Variants in CEMIP2 observed in about 807,000 individuals in gnomAD.
CEMIP2 encodes the protein cell surface hyaluronidase CEMIP2.
In CEMIP2, 79 loss-of-function variants were observed where a neutral mutation model predicts 146.9. That is an observed-to-expected ratio of 0.54 (90% CI 0.45 to 0.65). The LOEUF is 0.65. Ranked by LOEUF, CEMIP2 falls within the 30% of genes least tolerant of loss-of-function variation. CEMIP2 has a pLI of 0.00. For synonymous variants in CEMIP2, 601 were observed against 606.3 expected, an observed-to-expected ratio of 0.99 and a Z score of 0.13; for missense variants, 1,596 against 1,696.2, an observed-to-expected ratio of 0.94 and a Z score of 1.04.
Position 71,745,345 on chromosome 9 carries a change from C to A in CEMIP2, c.707G>T (p.Arg236Leu). ...TGCCAACAACGTCCACGATGCCTTC[C>A]GTGCCCCATGTAACTCCAGTGTCCC... ...AGGTLELHGA[R>L]KASWTLLART... The change falls in exon 4 of 24, where the codon CGG (arginine) becomes CTG (leucine). Residue 236 changes from arginine to leucine, a missense_variant. Physicochemically the swap from Arg to Leu is moderately radical, Grantham distance 102. Coordinates refer to ENST00000377044, the MANE Select transcript of CEMIP2 (RefSeq NM_013390.3). The A allele has an allele frequency of 6.2e-7, 1 of 1,613,778 alleles. No homozygotes were observed. The highest frequency in any genetic ancestry group is 8.5e-7 in the Non-Finnish European group (1 of 1,179,686).
At chr9:71,697,753 C>A in intron 20 of CEMIP2, 1 of 481,108 alleles carries the variant, frequency 2.1e-6, no homozygotes, top group Non-Finnish European at 3.7e-6. Flanking sequence ...TGTGGAAAAT[C>A]TGCAGTTGTT....
In CEMIP2 at chr9:71,746,312, T is replaced by C. The variant is rs778200315; in HGVS notation, c.361A>G (p.Arg121Gly). The C allele has an allele frequency of 1.9e-6, 3 of 1,613,960 alleles. No individual in the cohort carries two copies. The highest frequency in any genetic ancestry group is 2.5e-6 in the Non-Finnish European group (3 of 1,179,884). ...GAATCTTGTCCTGGATCCCAATTCC[T>C]GAGACGAGGATTTTGATCTGGGCAA... ...ENCPDQNPRL[R>G]NWDPGQDSAK... is the part of the protein sequence containing the mutation. Residue 121 changes from arginine to glycine, a missense_variant, in exon 3 of 24, where the codon AGG (arginine) becomes GGG (glycine). By Grantham distance (125) the Arg-to-Gly change is moderately radical (BLOSUM62 -2). Coordinates refer to ENST00000377044, the MANE Select transcript of CEMIP2 (RefSeq NM_013390.3).
rs1639000790 is a variant in CEMIP2 at position 71,730,881 on chromosome 9, A to T, written c.1597T>A (p.Tyr533Asn). The change falls in exon 8 of 24, where the codon TAT becomes AAT. Residue 533 changes from tyrosine to asparagine, a missense_variant. Physicochemically the swap from Tyr to Asn is moderately radical, Grantham distance 143. Coordinates refer to ENST00000377044, the MANE Select transcript of CEMIP2 (RefSeq NM_013390.3). ...TGACCCATGTGTTTCAATTCCACATAAGAAAGATGGACTGAAGTAAAATTT... is the reference window on the plus strand; with the variant it reads ...TGACCCATGTGTTTCAATTCCACATTAGAAAGATGGACTGAAGTAAAATTT... ...MKNFTSVHLS[Y>N]VELKHMGQQQ... is the part of the protein sequence containing the mutation. 7 of 1,614,242 alleles carry T rather than the reference A, an allele frequency of 4.3e-6. No individual in the cohort carries two copies. The highest frequency in any genetic ancestry group is 4.2e-6 in the Non-Finnish European group (5 of 1,180,040).
At chr9:71,739,967 C>T (rs567733611) in intron 5 of CEMIP2, 96 bp downstream of exon 5, 76 of 1,157,694 alleles carry the variant, frequency 6.6e-5, no homozygotes, top group Middle Eastern at 4.9e-4. Flanking sequence ...TCTAACCAGG[C>T]GGACTGTCAT....
At chr9:71,768,260 G>A (rs982781229) in intron 1 of CEMIP2, 97 bp downstream of exon 1, 4 of 151,610 alleles carry the variant, frequency 2.6e-5, no homozygotes, top group Non-Finnish European at 5.9e-5. Flanking sequence ...AGCAGAAAAG[G>A]TGGGCGAGAC....
chr9:71,745,716 C>A, intron 3 of CEMIP2, 137 bp from the exon 4 acceptor site: 2 of 873,610 alleles, frequency 2.3e-6, no homozygotes, highest in Non-Finnish European at 3.4e-6. Flanking sequence ...GCTTAGAAAA[C>A]TAAAGGGAAA....
chr9:71,764,919 C>T (rs34787571), intron 1 of CEMIP2, among the ~76,000 whole-genome samples: 35,289 of 144,702 alleles, frequency 0.24, 4,275 homozygotes, highest in Non-Finnish European at 0.27. Context: ...GCTTTTCTTC[C>T]TTTTTTTTTT....
intron 1 of CEMIP2, among the ~76,000 whole-genome samples, chr9:71,756,278 G>A (rs13289431): frequency 2.0e-5 from 3 of 146,958 alleles, no homozygotes; most frequent in Non-Finnish European, 3.0e-5. Context: ...ACACGTATAT[G>A]TATATACCTA....
intron 18 of CEMIP2, among the ~76,000 whole-genome samples, chr9:71,702,194 G>A (rs567291315): frequency 1.3e-5 from 2 of 150,180 alleles, no homozygotes; most frequent in African/African-American, 4.9e-5. Flanking sequence ...GGAGGCGGAG[G>A]TTGCAGTGAG....
chr9:71,761,258 C>T (rs1404698487), intron 1 of CEMIP2, among the ~76,000 whole-genome samples: 1 of 152,150 alleles, frequency 6.6e-6, no homozygotes, highest in African/African-American at 2.4e-5. Context: ...TAAAATACTT[C>T]TCAGGAAGAA....
At position 71,684,920 on chromosome 9, in the gene CEMIP2, T is replaced by C; in HGVS notation, c.*277A>G. 1 of 367,992 alleles carries C rather than the reference T, an allele frequency of 2.7e-6. No individual in the cohort carries two copies. The highest frequency in any genetic ancestry group is 4.8e-6 in the Non-Finnish European group (1 of 206,496). 22.8% of individuals were successfully genotyped at this position (367,992 alleles called of 1,614,324 possible). A position where few individuals can be genotyped will look rare whatever the true frequency, so the allele number is the denominator to read the frequency against. ...CAAAAAGTAAAAACATTGCTCATGG[T>C]CATTACAAAATACGGGGGTGGAAAG... On this transcript the variant is annotated 3_prime_UTR_variant, in exon 24 of 24. Transcript: ENST00000377044.
intron 22 of CEMIP2, among the ~76,000 whole-genome samples, chr9:71,689,746 A>G (rs759768754): frequency 6.6e-6 from 1 of 152,212 alleles, no homozygotes; most frequent in Admixed American, 6.5e-5. Flanking sequence ...TTAATACTAA[A>G]AAGTATAATG....
chr9:71,763,448 A>G (rs1213712727), intron 1 of CEMIP2, among the ~76,000 whole-genome samples: 1 of 152,226 alleles, frequency 6.6e-6, no homozygotes, highest in African/African-American at 2.4e-5. Flanking sequence ...CATGGGCTCA[A>G]TGTGGATTGT....
chr9:71,698,342 A>G, intron 19 of CEMIP2, 138 bp from the exon 20 acceptor site: 2 of 710,288 alleles, frequency 2.8e-6, no homozygotes, highest in African/African-American at 1.8e-5. Context: ...CAAAATGAAT[A>G]GTTATTTCTG....
rs7019876 is a variant in CEMIP2 at position 71,728,290 on chromosome 9, T to A, written c.2049+1555A>T. On this transcript the variant is annotated intron_variant, in intron 10 of 23. Coordinates refer to ENST00000377044, the MANE Select transcript of CEMIP2 (RefSeq NM_013390.3). ...ATATATATATATATATGTATATATA[T>A]ATATATATATACATATATATATATA... Among the ~76,000 whole-genome samples, 13 of 15,874 alleles carry A rather than the reference T, an allele frequency of 8.2e-4. 1 individual carries two copies. Among genetic ancestry groups the A allele is most frequent in the Non-Finnish European group, 2.4e-3 (11 of 4,570 alleles). 10.4% of individuals were successfully genotyped at this position (15,874 alleles called of 152,430 possible). A position where few individuals can be genotyped will look rare whatever the true frequency, so the allele number is the denominator to read the frequency against.
chr9:71,720,069 G>T (rs755286166), intron 12 of CEMIP2, among the ~76,000 whole-genome samples: 1 of 151,966 alleles, frequency 6.6e-6, no homozygotes. Flanking sequence ...ACTTTTTCCC[G>T]ATTTTCTTAT....
chr9:71,757,956 CT>C (rs1435049787), intron 1 of CEMIP2, among the ~76,000 whole-genome samples: 1 of 152,180 alleles, frequency 6.6e-6, no homozygotes, highest in African/African-American at 2.4e-5. Flanking sequence ...GTGACCAATA[CT>C]CTCAAGAAGA....
chr9:71,693,515 A>G (rs1166479370), intron 21 of CEMIP2, among the ~76,000 whole-genome samples: 1 of 152,270 alleles, frequency 6.6e-6, no homozygotes, highest in Middle Eastern at 3.2e-3. Flanking sequence ...AAAAGGCCGA[A>G]GAGATGTTAA....
At chr9:71,696,238 A>G (rs1013892769) in intron 20 of CEMIP2, among the ~76,000 whole-genome samples, 1 of 152,160 alleles carries the variant, frequency 6.6e-6, no homozygotes, top group Non-Finnish European at 1.5e-5. Flanking sequence ...GTCTTAACAA[A>G]TCCAGCTTGA....
Sources: gnomAD v4.1 joint callset for allele counts (sites outside exome capture counted in the v4.1 genomes callset) on GRCh38, gnomAD v4.1.1 for gene constraint, MANE v1.5 for transcripts, NCBI Gene and HGNC (gene_info 2026-07-23, HGNC 2026-07-21) for gene names.